The following TTI1 variants were observed in gnomAD, a reference collection of about 807,000 sequenced individuals.
The protein encoded by TTI1 is TELO2 interacting protein 1, also known as TELO2-interacting protein 1 homolog.
A neutral mutation model predicts 85.4 loss-of-function variants in TTI1; 52 were observed. The observed-to-expected ratio is 0.61, with a 90% CI of 0.49 to 0.77. The LOEUF is 0.77. Ranked by LOEUF, TTI1 falls within the 30% of genes least tolerant of loss-of-function variation. The probability of loss-of-function intolerance (pLI) is 0.00; values close to 1 mark genes in which losing one functional copy is unlikely to be tolerated. For missense variants in TTI1, 1,173 were observed against 1,296.0 expected (o/e 0.91, Z 1.46); for synonymous variants, 512 against 503.9 (o/e 1.02, Z -0.22).
chr20:37,999,403 G>A, intron 4 of TTI1, 75 bp from the exon 5 acceptor site: 1 of 1,319,122 alleles, frequency 7.6e-7, no homozygotes, highest in South Asian at 2.6e-5. Context: ...CATTTTCAAA[G>A]AATAACATTT....
chr20:37,996,694 A>C, intron 6 of TTI1, 55 bp downstream of exon 6: 2 of 1,555,324 alleles, frequency 1.3e-6, no homozygotes, highest in Admixed American at 1.8e-5. Context: ...GCATGATGGC[A>C]GGGGTGAGAC....
At chr20:37,984,011 C>T (rs956051324) in intron 7 of TTI1, among the ~76,000 whole-genome samples, 1 of 152,212 alleles carries the variant, frequency 6.6e-6, no homozygotes. Flanking sequence ...AAAGGCTTTG[C>T]TCAGCTCACA....
At chr20:38,017,435 T>TGCGC (rs1555795336) in intron 1 of TTI1, among the ~76,000 whole-genome samples, 87 of 146,224 alleles carry the variant, frequency 5.9e-4, no homozygotes, top group Middle Eastern at 3.8e-3. Context: ...TGTGTGTGTG[T>TGCGC]GCGCGCGCGC....
Position 38,013,822 on chromosome 20 carries a change from A to G in TTI1, c.-6T>C. 6.2e-7 allele frequency: 1 copy of G among 1,606,504 alleles called. No individual in the cohort carries two copies. Reference sequence around the variant, plus strand: ...GGAGTATCAAAAACTGCCATTGTGCAGCAGCCTTCCCCTCATTGAGGAAAC... The same window carrying G: ...GGAGTATCAAAAACTGCCATTGTGCGGCAGCCTTCCCCTCATTGAGGAAAC... On this transcript the variant is annotated 5_prime_UTR_variant, in exon 2 of 8. Transcript: ENST00000373447.
At position 38,001,880 on chromosome 20, in the gene TTI1, G is replaced by A. The variant is rs139078788; in HGVS notation, c.2652+748C>T. On this transcript the variant is annotated intron_variant, in intron 4 of 7. Transcript: ENST00000373447. ...ATAACAGGCATGCACCACCATGCCC[G>A]GTTAATTTTGTGTTTTTAGTAGAGA... Among the ~76,000 whole-genome samples, 1,220 of 152,234 alleles carry A rather than the reference G, an allele frequency of 8.0e-3. 6 individuals carry two copies. The highest frequency in any genetic ancestry group is 0.023 in the African/African-American group (936 of 41,532).
intron 1 of TTI1, among the ~76,000 whole-genome samples, chr20:38,020,323 A>AAATATATATATATATATATATATATAT: frequency 2.0e-5 from 1 of 50,388 alleles, no homozygotes; most frequent in Admixed American, 2.1e-4. Flanking sequence ...AAAAAAAAAA[A>AAATATATATATATATATATATATATAT]ATATATATAT....
chr20:38,011,709 G>C lies in TTI1; in HGVS notation c.2108C>G (p.Ser703Cys). ...CAGAGCCAGATGACGCAGATTTAAA[G>C]AGATCCCATTCACTAAATAGTCTGA... The part of the protein sequence containing the change: ...QNSDYLVNGI[S>C]LNLRHLALHP... Residue 703 changes from serine to cysteine, a missense_variant, in exon 2 of 8, where the codon TCT becomes TGT. Transcript: ENST00000373447. 6.2e-7 allele frequency: 1 copy of C among 1,614,204 alleles called. No individual in the cohort carries two copies. The highest frequency in any genetic ancestry group is 8.5e-7 in the Non-Finnish European group (1 of 1,180,046).
At chr20:38,033,263 GC>G (rs1170476551) in intron 1 of TTI1, 140 bp downstream of exon 1, 2 of 152,362 alleles carry the variant, frequency 1.3e-5, no homozygotes, top group East Asian at 3.9e-4. Flanking sequence ...GAAAGATGCG[GC>G]CTGGGGCCCG....
chr20:38,020,323 A>AAAAAAAAATATATATATATATATAT, intron 1 of TTI1, among the ~76,000 whole-genome samples: 2 of 50,388 alleles, frequency 4.0e-5, no homozygotes, highest in African/African-American at 1.8e-4. Context: ...AAAAAAAAAA[A>AAAAAAAAATATATATATATATATAT]ATATATATAT....
chr20:37,996,660 G>C, intron 6 of TTI1, 89 bp downstream of exon 6: 2 of 1,474,152 alleles, frequency 1.4e-6, no homozygotes, highest in Non-Finnish European at 1.9e-6. Flanking sequence ...GAGGGGAGGG[G>C]AGGGGGGCAC....
At chr20:38,025,168 CA>C (rs753750798) in intron 1 of TTI1, among the ~76,000 whole-genome samples, 2 of 152,172 alleles carry the variant, frequency 1.3e-5, no homozygotes, top group Non-Finnish European at 2.9e-5. Flanking sequence ...ACAGCCTAAA[CA>C]GACAAAACAG....
intron 4 of TTI1, among the ~76,000 whole-genome samples, chr20:38,001,680 C>T (rs1024588434): frequency 6.6e-6 from 1 of 152,120 alleles, no homozygotes; most frequent in African/African-American, 2.4e-5. Flanking sequence ...GCAATGTACA[C>T]TCATTACTAA....
chr20:38,015,938 C>T (rs967940298), intron 1 of TTI1, among the ~76,000 whole-genome samples: 8 of 152,164 alleles, frequency 5.3e-5, no homozygotes, highest in South Asian at 2.1e-4. Flanking sequence ...ATCTGGAGAC[C>T]GAAAAGCCTT....
chr20:38,027,419 G>A (rs2122651752), intron 1 of TTI1, among the ~76,000 whole-genome samples: 1 of 152,012 alleles, frequency 6.6e-6, no homozygotes, highest in Middle Eastern at 3.4e-3. Context: ...GTTGACCCTT[G>A]AACAATGTGG....
Position 38,013,807 on chromosome 20 carries a change from A to T in TTI1, c.10T>A (p.Phe4Ile). Residue 4 changes from phenylalanine to isoleucine, a missense_variant, in exon 2 of 8, where the codon TTT becomes ATT. Phe to Ile is a conservative substitution (Grantham distance 21). Transcript: ENST00000373447. MAV[F>I]DTPEEAFGVL... ...CCAAAGGCCTCCTCAGGAGTATCAA[A>T]AACTGCCATTGTGCAGCAGCCTTCC... 1.2e-6 allele frequency: 2 copies of T among 1,610,990 alleles called. No homozygotes were observed. The highest frequency in any genetic ancestry group is 1.7e-6 in the Non-Finnish European group (2 of 1,178,430).
chr20:38,022,775 A>G (rs1469370992), intron 1 of TTI1, among the ~76,000 whole-genome samples: 1 of 152,172 alleles, frequency 6.6e-6, no homozygotes, highest in African/African-American at 2.4e-5. Flanking sequence ...CTCTCTATAC[A>G]TGCTTTCCCT....
intron 1 of TTI1, among the ~76,000 whole-genome samples, chr20:38,016,665 A>T (rs1476367443): frequency 6.6e-6 from 1 of 152,200 alleles, no homozygotes; most frequent in Admixed American, 6.5e-5. Context: ...GACACCTTTC[A>T]AATCTGCTGA....
chr20:38,002,793 A>G lies in TTI1; in HGVS notation c.2504-17T>C, dbSNP rs113051292. The G allele has an allele frequency of 6.2e-7, 1 of 1,612,838 alleles. No homozygotes were observed. ...ACTGTTCCTCTGGAAAAAGAGCACA[A>G]CTGGGGGCAGTGTTGTATGAGTGAT... On this transcript the variant is annotated splice_polypyrimidine_tract_variant and intron_variant, in intron 3 of 7. Coordinates refer to ENST00000373447, the MANE Select transcript of TTI1 (RefSeq NM_001303457.2).
intron 7 of TTI1, among the ~76,000 whole-genome samples, chr20:37,993,752 TCA>T (rs1600608207): frequency 6.6e-6 from 1 of 152,214 alleles, no homozygotes; most frequent in East Asian, 1.9e-4. Flanking sequence ...GGTCGGAAAC[TCA>T]CTACCTCTGG....
Sources: allele counts gnomAD v4.1 joint callset (sites outside exome capture counted in the v4.1 genomes callset), GRCh38; gene constraint gnomAD v4.1.1; transcripts MANE v1.5; gene names NCBI Gene and HGNC (gene_info 2026-07-23, HGNC 2026-07-21).